LHFPL6: variants seen among roughly 807,000 people sequenced by gnomAD.
LHFPL6 encodes LHFPL tetraspan subfamily member 6.
In LHFPL6, 9 loss-of-function variants were observed where a neutral mutation model predicts 20.6. The observed-to-expected ratio is 0.44, with a 90% confidence interval of 0.26 to 0.76. The LOEUF (loss-of-function observed/expected upper bound fraction) is 0.76. LHFPL6 is among the 30% of genes least tolerant of loss of function. The pLI is 0.20. For synonymous variants in LHFPL6, 105 were observed against 98.7 expected, an observed-to-expected ratio of 1.06 and a Z score of -0.38; for missense variants, 218 against 253.5, an observed-to-expected ratio of 0.86 and a Z score of 0.95.
chr13:39,532,309 C>A lies in LHFPL6; in HGVS notation c.385+68523G>T, dbSNP rs139466400. Among the ~76,000 whole-genome samples, 778 of 152,208 alleles carry A rather than the reference C, an allele frequency of 5.1e-3. 3 individuals are homozygous for A. Among genetic ancestry groups the A allele is most frequent in the African/African-American group, 0.018 (749 of 41,528 alleles). ...CATTCACAGCCCTCCACAAAACAGC[C>A]CCAACTGATGTTTTCCATCTCACAA... is the stretch of plus-strand genomic sequence containing the variant. On this transcript the variant is annotated intron_variant, in intron 2 of 3. Coordinates refer to ENST00000379589, the MANE Select transcript of LHFPL6 (RefSeq NM_005780.3).
At position 39,511,271 on chromosome 13, in the gene LHFPL6, C is replaced by G. The variant is rs139083741; in HGVS notation, c.385+89561G>C. ...GTATCCACTTTCCAATTTTTCAAAT[C>G]TTAACATTTTGTCAAATTTGTTTAT... On this transcript the variant is annotated intron_variant, in intron 2 of 3. Coordinates refer to ENST00000379589, the MANE Select transcript of LHFPL6 (RefSeq NM_005780.3). Among the ~76,000 whole-genome samples the G allele has an allele frequency of 2.3e-4, 35 of 152,172 alleles. No homozygotes were observed. In the East Asian group the frequency reaches 5.4e-3, roughly 23 times the overall value.
intron 2 of LHFPL6, among the ~76,000 whole-genome samples, chr13:39,480,965 T>C (rs1868490119): frequency 6.6e-6 from 1 of 152,210 alleles, no homozygotes; most frequent in African/African-American, 2.4e-5. Context: ...GTTACTAAAA[T>C]TATATTCATT....
rs117554205 is a variant in LHFPL6 at position 39,509,000 on chromosome 13, T to C, written c.385+91832A>G. Among the ~76,000 whole-genome samples, 45 of 152,310 alleles carry C rather than the reference T, an allele frequency of 3.0e-4. No individual in the cohort carries two copies. The Middle Eastern group carries it at 0.01, about 35-fold the overall frequency. Reference sequence around the variant, plus strand: ...CTCCCAGTTGATCCACATTCTCATTTATGCTTCGTATGGTTAGTCTTTTTA... The same window carrying C: ...CTCCCAGTTGATCCACATTCTCATTCATGCTTCGTATGGTTAGTCTTTTTA... On this transcript the variant is annotated intron_variant, in intron 2 of 3. Transcript: ENST00000379589.
chr13:39,343,702 T>G lies in LHFPL6; in HGVS notation c.*234A>C. On this transcript the variant is annotated 3_prime_UTR_variant, in exon 4 of 4. Transcript: ENST00000379589. Reference sequence around the variant, plus strand: ...AGAAACACCCGATGCCCTGCAATATTTTTAGCCTTTGGTCCATTTTTCTCC... The same window carrying G: ...AGAAACACCCGATGCCCTGCAATATGTTTAGCCTTTGGTCCATTTTTCTCC... 1 of 446,412 alleles carries G rather than the reference T, an allele frequency of 2.2e-6. No individual in the cohort carries two copies. The highest frequency in any genetic ancestry group is 4.0e-6 in the Non-Finnish European group (1 of 248,480). The allele number at this position is 446,412 out of a possible 1,614,324, so 27.7% of individuals were successfully genotyped here. A position where few individuals can be genotyped will look rare whatever the true frequency, so the allele number is the denominator to read the frequency against.
At chr13:39,599,547 G>C (rs1470915852) in intron 2 of LHFPL6, among the ~76,000 whole-genome samples, 1 of 152,138 alleles carries the variant, frequency 6.6e-6, no homozygotes, top group African/African-American at 2.4e-5. Flanking sequence ...ACTGCCTCCC[G>C]GGAGGGACTA....
At chr13:39,406,599 C>G (rs892081600) in intron 2 of LHFPL6, among the ~76,000 whole-genome samples, 1 of 76,638 alleles carries the variant, frequency 1.3e-5, no homozygotes, top group Non-Finnish European at 2.5e-5. Flanking sequence ...TCAAGTTGTT[C>G]AATATTTTTG....
At position 39,361,519 on chromosome 13, in the gene LHFPL6, T is replaced by C. The variant is rs1398189042; in HGVS notation, c.484+16909A>G. On this transcript the variant is annotated intron_variant, in intron 3 of 3. Transcript: ENST00000379589. ...TTTTAGTAGAGATGGGGTTTCACCA[T>C]GTTGGCCAGGATGGTCTCGATCTCT... Among the ~76,000 whole-genome samples the C allele has an allele frequency of 2.0e-5, 3 of 152,278 alleles. No homozygotes were observed. In the East Asian group the frequency reaches 5.8e-4, roughly 29 times the overall value.
chr13:39,558,967 G>A (rs1238600383), intron 2 of LHFPL6, among the ~76,000 whole-genome samples: 1 of 152,114 alleles, frequency 6.6e-6, no homozygotes, highest in Non-Finnish European at 1.5e-5. Flanking sequence ...CTTTGGTCTT[G>A]GCCCATTCAA....
chr13:39,553,850 C>G (rs919693466), intron 2 of LHFPL6, among the ~76,000 whole-genome samples: 7 of 152,240 alleles, frequency 4.6e-5, no homozygotes, highest in Non-Finnish European at 1.0e-4. Flanking sequence ...CCATCCTAAA[C>G]CAGCCAGCCA....
At chr13:39,450,785 C>T (rs1350207970) in intron 2 of LHFPL6, among the ~76,000 whole-genome samples, 1 of 151,936 alleles carries the variant, frequency 6.6e-6, no homozygotes. Flanking sequence ...TTATTATGGG[C>T]CATTTTGTGA....
intron 2 of LHFPL6, among the ~76,000 whole-genome samples, chr13:39,429,230 C>G (rs903548385): frequency 6.6e-6 from 1 of 151,662 alleles, no homozygotes; most frequent in Non-Finnish European, 1.5e-5. Context: ...AGAGGAATAT[C>G]AAAATCTCTG....
chr13:39,535,298 C>T lies in LHFPL6; in HGVS notation c.385+65534G>A, dbSNP rs574064852. ...AATTCAACCTATAACACTAACATAA[C>T]CCACATCATCACACACAACATTTTA... On this transcript the variant is annotated intron_variant, in intron 2 of 3. Transcript: ENST00000379589. 2.8e-4 allele frequency among the ~76,000 whole-genome samples: 43 copies of T among 152,308 alleles called. 1 individual carries two copies. The South Asian group carries it at 8.7e-3, about 31-fold the overall frequency.
chr13:39,343,734 C>T lies in LHFPL6; in HGVS notation c.*202G>A, dbSNP rs937470703. Reference sequence around the variant, plus strand: ...CTTTGGTCCATTTTTCTCCATCATTCTATACTCTCCTTTTTTTTCCCCCAC... The same window carrying T: ...CTTTGGTCCATTTTTCTCCATCATTTTATACTCTCCTTTTTTTTCCCCCAC... On this transcript the variant is annotated 3_prime_UTR_variant, in exon 4 of 4. Coordinates refer to ENST00000379589, the MANE Select transcript of LHFPL6 (RefSeq NM_005780.3). 1 of 521,936 alleles carries T rather than the reference C, an allele frequency of 1.9e-6. No individual in the cohort carries two copies. 32.3% of individuals were successfully genotyped at this position (521,936 alleles called of 1,614,324 possible). A position where few individuals can be genotyped will look rare whatever the true frequency, so the allele number is the denominator to read the frequency against.
At chr13:39,596,218 A>G (rs893503334) in intron 2 of LHFPL6, among the ~76,000 whole-genome samples, 1 of 152,206 alleles carries the variant, frequency 6.6e-6, no homozygotes, top group African/African-American at 2.4e-5. Flanking sequence ...AAATGGAACA[A>G]GAATGTGCTA....
In LHFPL6 at chr13:39,380,810, A is replaced by G. The variant is rs117361757; in HGVS notation, c.386-2284T>C. On this transcript the variant is annotated intron_variant, in intron 2 of 3. Coordinates refer to ENST00000379589, the MANE Select transcript of LHFPL6 (RefSeq NM_005780.3). ...GCCCGGCCTAGCATTAGATTCTTGT[A>G]GGAGCACGAACCCTATTGTGAACTA... Among the ~76,000 whole-genome samples the G allele has an allele frequency of 9.1e-4, 139 of 152,152 alleles. 1 individual carries two copies. Among genetic ancestry groups the G allele is most frequent in the Middle Eastern group, 6.8e-3 (2 of 294 alleles).
chr13:39,484,687 T>C (rs1868660066), intron 2 of LHFPL6, among the ~76,000 whole-genome samples: 2 of 152,338 alleles, frequency 1.3e-5, no homozygotes, highest in East Asian at 1.9e-4. Flanking sequence ...GAATTTTAAG[T>C]ACTTGGTGGT....
chr13:39,347,003 C>G (rs1319971264), intron 3 of LHFPL6, among the ~76,000 whole-genome samples: 1 of 151,100 alleles, frequency 6.6e-6, no homozygotes, highest in Non-Finnish European at 1.5e-5. Flanking sequence ...TCACTTGAAC[C>G]CGGGAGGCGG....
chr13:39,540,248 T>C (rs1304565293), intron 2 of LHFPL6, among the ~76,000 whole-genome samples: 1 of 152,148 alleles, frequency 6.6e-6, no homozygotes, highest in East Asian at 1.9e-4. Context: ...AACTAGGCAG[T>C]AAAGTAGGAT....
At chr13:39,541,572 G>A (rs1870799553) in intron 2 of LHFPL6, among the ~76,000 whole-genome samples, 2 of 152,122 alleles carry the variant, frequency 1.3e-5, no homozygotes, top group Admixed American at 1.3e-4. Context: ...AAAGTCCAGT[G>A]CACAGACTTT....
Sources: allele counts gnomAD v4.1 joint callset (sites outside exome capture counted in the v4.1 genomes callset), GRCh38; gene constraint gnomAD v4.1.1; transcripts MANE v1.5; gene names NCBI Gene and HGNC (gene_info 2026-07-23, HGNC 2026-07-21).